Variants in PBXIP1 observed in about 807,000 individuals in gnomAD.
The protein encoded by PBXIP1 is PBX homeobox interacting protein 1, also known as pre-B-cell leukemia transcription factor-interacting protein 1.
A neutral mutation model predicts 73.7 loss-of-function variants in PBXIP1; 73 were observed. The observed-to-expected ratio is 0.99, with a 90% CI of 0.82 to 1.20. PBXIP1 has a LOEUF of 1.20. Among genes scored for constraint, PBXIP1 ranks in the 50% most tolerant of loss-of-function variants. The probability of loss-of-function intolerance (pLI) is 0.00; values close to 1 mark genes in which losing one functional copy is unlikely to be tolerated. For synonymous variants in PBXIP1, 330 were observed against 366.9 expected, an observed-to-expected ratio of 0.90 and a Z score of 1.15; for missense variants, 818 against 911.4, an observed-to-expected ratio of 0.90 and a Z score of 1.32.
Position 154,948,228 on chromosome 1 carries a change from CCAGCCT to C in PBXIP1, c.542_547del (p.Gln181_Gly183delinsArg). On this transcript the variant is annotated inframe_deletion, in exon 6 of 11. Transcript: ENST00000368463. ...CAGCTCCCCGCCTGCACCCTCACCC[CCAGCCT>C]GGTTCTCCACAGCCAGGGGCACCAT... 1.9e-6 allele frequency: 3 copies of C among 1,612,720 alleles called. No homozygotes were observed. The highest frequency in any genetic ancestry group is 2.5e-6 in the Non-Finnish European group (3 of 1,179,420).
In PBXIP1 at chr1:154,953,724, T is replaced by C. The variant is rs777780566; in HGVS notation, c.-3A>G. On this transcript the variant is annotated 5_prime_UTR_variant, in exon 2 of 11. Transcript: ENST00000368463. Reference sequence around the variant, plus strand: ...TCAGAGTCTGGGCAGGAGGCCATAGTTGCTGAGGTCCCTGAGGCTGCTGTG... The same window carrying C: ...TCAGAGTCTGGGCAGGAGGCCATAGCTGCTGAGGTCCCTGAGGCTGCTGTG... 3 of 1,613,248 alleles carry C rather than the reference T, an allele frequency of 1.9e-6. No individual in the cohort carries two copies. In the African/African-American group the frequency reaches 4.0e-5, roughly 22 times the overall value.
In PBXIP1 at chr1:154,953,750, G is replaced by C; in HGVS notation, c.-29C>G. 1 of 1,607,196 alleles carries C rather than the reference G, an allele frequency of 6.2e-7. No homozygotes were observed. Among genetic ancestry groups the C allele is most frequent in the Non-Finnish European group, 8.5e-7 (1 of 1,175,322 alleles). ...TGCTGAGGTCCCTGAGGCTGCTGTGGCTGCCACCTGCAGAAGAAAGCTCTC... is the reference window on the plus strand; with the variant it reads ...TGCTGAGGTCCCTGAGGCTGCTGTGCCTGCCACCTGCAGAAGAAAGCTCTC... On this transcript the variant is annotated 5_prime_UTR_variant, in exon 2 of 11. Coordinates refer to ENST00000368463, the MANE Select transcript of PBXIP1 (RefSeq NM_020524.4).
Position 154,946,021 on chromosome 1 carries a change from A to G in PBXIP1, c.1653T>C (p.Ser551=), listed in dbSNP as rs549911070. Residue 551 remains serine, a synonymous_variant, in exon 10 of 11, where the codon TCT becomes TCC. Coordinates refer to ENST00000368463, the MANE Select transcript of PBXIP1 (RefSeq NM_020524.4). The stretch of plus-strand genomic sequence containing the variant: ...ACCGAGGTTGCTTCTGCTTTTCTCC[A>G]GAGGAGTGGAAGCTACCACTTTTCC... ...PPRKSGSFHS[S]GEKQKQPRWR... 1.2e-6 allele frequency: 2 copies of G among 1,614,078 alleles called. No individual in the cohort carries two copies. Among genetic ancestry groups the G allele is most frequent in the South Asian group, 2.2e-5 (2 of 91,074 alleles).
Position 154,946,684 on chromosome 1 carries a change from C to T in PBXIP1, c.990G>A (p.Glu330=), listed in dbSNP as rs77880932. 8.7e-3 allele frequency: 13,963 copies of T among 1,612,974 alleles called. 88 individuals carry two copies. Among genetic ancestry groups the T allele is most frequent in the Non-Finnish European group, 0.01 (12,107 of 1,179,240 alleles). Residue 330 remains glutamate (E), a synonymous_variant, in exon 10 of 11, where the codon GAG becomes GAA. Coordinates refer to ENST00000368463, the MANE Select transcript of PBXIP1 (RefSeq NM_020524.4). ...GGAGCCGGGCCCGCAGCTGCTGCAG[C>T]TCTGACTCCAGAGCCCGCTGGAAGG... is the stretch of plus-strand genomic sequence containing the variant. ...GEAFQRALES[E]LQQLRARLQG...
chr1:154,953,860 C>G (rs1166304349), intron 1 of PBXIP1, 103 bp from the exon 2 acceptor site: 1 of 661,396 alleles, frequency 1.5e-6, no homozygotes. Flanking sequence ...TGGGCAGCAG[C>G]CTCCAGAACC....
chr1:154,947,951 C>T (rs773297923), intron 7 of PBXIP1, 31 bp downstream of exon 7: 1 of 1,611,282 alleles, frequency 6.2e-7, no homozygotes, highest in Middle Eastern at 1.7e-4. Flanking sequence ...CATACAACTC[C>T]CCAGCACAAG....
At position 154,946,846 on chromosome 1, in the gene PBXIP1, G is replaced by C. The variant is rs750497220; in HGVS notation, c.871-43C>G. On this transcript the variant is annotated intron_variant, in intron 9 of 10. Coordinates refer to ENST00000368463, the MANE Select transcript of PBXIP1 (RefSeq NM_020524.4). ...ACAAAGGAAGTCACAAAGAGTTCTT[G>C]TCAGGATAGCCCCAATGCCTTCTAC... is the stretch of plus-strand genomic sequence containing the variant. The C allele has an allele frequency of 6.7e-6, 10 of 1,502,834 alleles. No individual in the cohort carries two copies. The South Asian group carries it at 1.2e-4, about 19-fold the overall frequency. 93.1% of individuals were successfully genotyped at this position (1,502,834 alleles called of 1,614,324 possible). A position where few individuals can be genotyped will look rare whatever the true frequency, so the allele number is the denominator to read the frequency against.
chr1:154,946,231 C>A lies in PBXIP1; in HGVS notation c.1443G>T (p.Gly481=). Residue 481 remains glycine (G), a synonymous_variant, in exon 10 of 11, where the codon GGG becomes GGT. Transcript: ENST00000368463. ...EWSGKEKWWD[G]QRDRKAEHWK... is the part of the protein sequence containing the mutation. ...AGTGCTCAGCCTTCCGGTCTCTCTG[C>A]CCATCCCACCACTTTTCCTTTCCAC... 2 of 1,614,140 alleles carry A rather than the reference C, an allele frequency of 1.2e-6. No homozygotes were observed. The highest frequency in any genetic ancestry group is 1.7e-6 in the Non-Finnish European group (2 of 1,180,022).
At position 154,946,410 on chromosome 1, in the gene PBXIP1, C is replaced by T. The variant is rs147560334; in HGVS notation, c.1264G>A (p.Gly422Arg). 7.4e-5 allele frequency: 120 copies of T among 1,611,426 alleles called. No individual in the cohort carries two copies. Among genetic ancestry groups the T allele is most frequent in the African/African-American group, 5.2e-4 (39 of 75,050 alleles). ...GCCAAGCCAGCATGAGCTGGGTCCC[C>T]GCGGCTGGCATCCTGCAAGCTCCTC... ...LERSLQDASRGDPAHAGLAEL... is the reference protein window; with the variant it reads ...LERSLQDASRRDPAHAGLAEL... Residue 422 changes from glycine (G) to arginine (R), a missense_variant, in exon 10 of 11, where the codon GGG (glycine) becomes AGG (arginine). By Grantham distance (125) the Gly-to-Arg change is moderately radical. Coordinates refer to ENST00000368463, the MANE Select transcript of PBXIP1 (RefSeq NM_020524.4).
rs377123006 is a variant in PBXIP1 at position 154,946,168 on chromosome 1, C to A, written c.1506G>T (p.Lys502Asn). ...HKKEESGRER[K>N]KNWGGQEDRE... ...TGTCCTCCTGACCTCCCCAGTTCTT[C>A]TTCCTTTCCCGGCCAGATTCTTCCT... Residue 502 changes from lysine (K) to asparagine (N), a missense_variant, in exon 10 of 11, where the codon AAG becomes AAT. Coordinates refer to ENST00000368463, the MANE Select transcript of PBXIP1 (RefSeq NM_020524.4). 4.3e-6 allele frequency: 7 copies of A among 1,614,156 alleles called. No individual in the cohort carries two copies. Among genetic ancestry groups the A allele is most frequent in the East Asian group, 2.2e-5 (1 of 44,892 alleles).
chr1:154,948,084 G>T, intron 6 of PBXIP1, 49 bp downstream of exon 6: 1 of 1,567,808 alleles, frequency 6.4e-7, no homozygotes, highest in Non-Finnish European at 8.7e-7. Flanking sequence ...TGGCAGGAAG[G>T]CAGGCAGGCA....
Position 154,946,345 on chromosome 1 carries a change from C to T in PBXIP1, c.1329G>A (p.Leu443=). The stretch of plus-strand genomic sequence containing the variant: ...CCCCAGGGTCCTGGCCCCAGTTCTC[C>T]AGGCCCTGCAGTTTCTGGGCCAATC... ...GHRLAQKLQG[L]ENWGQDPGVS... The change falls in exon 10 of 11, where the codon CTG becomes CTA. Residue 443 remains leucine, a synonymous_variant. Coordinates refer to ENST00000368463, the MANE Select transcript of PBXIP1 (RefSeq NM_020524.4). 1.2e-6 allele frequency: 2 copies of T among 1,613,912 alleles called. No individual in the cohort carries two copies. The highest frequency in any genetic ancestry group is 1.1e-5 in the South Asian group (1 of 91,088).
At chr1:154,948,422 A>G in intron 5 of PBXIP1, 56 bp from the exon 6 acceptor site, 1 of 1,250,352 alleles carries the variant, frequency 8.0e-7, no homozygotes, top group Non-Finnish European at 1.1e-6. Flanking sequence ...GGGGAGACAC[A>G]GGGAGAGAGG....
Position 154,951,314 on chromosome 1 carries a change from G to A in PBXIP1, c.327C>T (p.Thr109=), listed in dbSNP as rs778525250. ...TGTCTGGTCCCAGGCCTGTCACCAC[G>A]GTGGTCTCCTGCAGGTCTCCCTGGA... The part of the protein sequence containing the change: ...TVVQGDLQET[T]VVTGLGPDTQ... Residue 109 remains threonine (T), a synonymous_variant, in exon 5 of 11, where the codon ACC becomes ACT. Coordinates refer to ENST00000368463, the MANE Select transcript of PBXIP1 (RefSeq NM_020524.4). The surrounding 1 kb of genome is among the most constrained non-coding windows in gnomAD (Gnocchi z 4.3). 2.0e-5 allele frequency: 32 copies of A among 1,613,954 alleles called. No homozygotes were observed. Among genetic ancestry groups the A allele is most frequent in the Admixed American group, 1.2e-4 (7 of 60,006 alleles).
chr1:154,951,826 C>T lies in PBXIP1; in HGVS notation c.147G>A (p.Gly49=), dbSNP rs1655014697. ...CATCCATGGTCCCAGCTAATTCTTT[C>T]CCATCTGTCTTGGAGGGGCTGTGAG... The part of the protein sequence containing the change: ...QAPHSPSKTD[G]KELAGTMDGE... Residue 49 remains glycine (G), a synonymous_variant, in exon 3 of 11, where the codon GGG becomes GGA. Transcript: ENST00000368463. This position sits in a 1 kb window ranked among gnomAD's most constrained non-coding sequence, Gnocchi z 4.3. 6.2e-7 allele frequency: 1 copy of T among 1,614,030 alleles called. No individual in the cohort carries two copies. The highest frequency in any genetic ancestry group is 1.7e-5 in the Admixed American group (1 of 59,970).
Position 154,951,132 on chromosome 1 carries a change from C to T in PBXIP1, c.409+100G>A. ...AAAGGAGAGCACCAAGCTGCTCAGC[C>T]CTAGGGCCTGGACCACAGCATGTGC... On this transcript the variant is annotated intron_variant, in intron 5 of 10. Transcript: ENST00000368463. The surrounding 1 kb of genome is among the most constrained non-coding windows in gnomAD (Gnocchi z 4.3). The T allele has an allele frequency of 1.8e-6, 2 of 1,128,224 alleles. No homozygotes were observed. The highest frequency in any genetic ancestry group is 2.6e-6 in the Non-Finnish European group (2 of 767,268). 69.9% of individuals were successfully genotyped at this position (1,128,224 alleles called of 1,614,324 possible).
rs1558038710 is a variant in PBXIP1, at chr1:154,947,899, GC to G, written c.667+82del. On this transcript the variant is annotated intron_variant, in intron 7 of 10. Transcript: ENST00000368463. The stretch of plus-strand genomic sequence containing the variant: ...GCCACTAACTGAGAAATAAATGTGA[GC>G]CCCCAGCACCCCTACTCCTGACCCA... The G allele has an allele frequency of 4.3e-5, 63 of 1,471,798 alleles. No homozygotes were observed. In the South Asian group the frequency reaches 7.2e-4, roughly 17 times the overall value. The allele number at this position is 1,471,798 out of a possible 1,614,324, so 91.2% of individuals were successfully genotyped here. A position where few individuals can be genotyped will look rare whatever the true frequency, so the allele number is the denominator to read the frequency against.
Position 154,951,766 on chromosome 1 carries a change from T to C in PBXIP1, c.178+29A>G, listed in dbSNP as rs1320691939. 3 of 1,607,150 alleles carry C rather than the reference T, an allele frequency of 1.9e-6. No homozygotes were observed. The highest frequency in any genetic ancestry group is 1.7e-6 in the Non-Finnish European group (2 of 1,177,136). On this transcript the variant is annotated intron_variant, in intron 3 of 10. Coordinates refer to ENST00000368463, the MANE Select transcript of PBXIP1 (RefSeq NM_020524.4). The surrounding 1 kb of genome is among the most constrained non-coding windows in gnomAD (Gnocchi z 4.3). ...AAATATGGAGAATAGCTTTGTCCGG[T>C]AAGCTATGTCCTAAGCAGGGCCCAG...
chr1:154,952,029 G>A (rs1347678072), intron 2 of PBXIP1, 108 bp from the exon 3 acceptor site: 1 of 1,243,366 alleles, frequency 8.0e-7, no homozygotes, highest in African/African-American at 1.5e-5. Context: ...AGGGGCTCGG[G>A]GCAGCACCAA....
Sources: gnomAD v4.1 joint callset for allele counts on GRCh38, gnomAD v4.1.1 for gene constraint, Gnocchi (gnomAD v3.1) non-coding constraint, MANE v1.5 for transcripts, NCBI Gene and HGNC (gene_info 2026-07-23, HGNC 2026-07-21) for gene names.